The following DLGAP4 variants were observed in gnomAD, a reference collection of about 807,000 sequenced individuals.
The protein encoded by DLGAP4 is DLG associated protein 4, also known as disks large-associated protein 4.
DLGAP4 carries 18 observed loss-of-function variants against 86.9 expected under a neutral mutation model. The ratio of observed to expected loss-of-function variants is 0.21; its 90% CI spans 0.14 to 0.31. The LOEUF (loss-of-function observed/expected upper bound fraction) is 0.31. Among genes scored for constraint, DLGAP4 ranks in the 10% least tolerant of loss-of-function variants. The pLI is 1.00. For synonymous variants in DLGAP4, 548 were observed against 574.3 expected, an observed-to-expected ratio of 0.95 and a Z score of 0.65; for missense variants, 1,085 against 1,362.6, an observed-to-expected ratio of 0.80 and a Z score of 3.21.
intron 2 of DLGAP4, among the ~76,000 whole-genome samples, chr20:36,390,788 T>C (rs989647111): frequency 6.6e-6 from 1 of 152,090 alleles, no homozygotes; most frequent in African/African-American, 2.4e-5. Context: ...GACTGAGCCT[T>C]GATCCCTATC....
intron 1 of DLGAP4, among the ~76,000 whole-genome samples, chr20:36,316,881 T>G (rs2065105744): frequency 6.6e-6 from 1 of 152,196 alleles, no homozygotes; most frequent in African/African-American, 2.4e-5. Flanking sequence ...AGGGGGTAAC[T>G]GAGGCTGGGC....
intron 7 of DLGAP4, chr20:36,462,724 A>G (rs574363871): frequency 7.7e-7 from 1 of 1,293,924 alleles, no homozygotes. Flanking sequence ...GGCCTCCCAC[A>G]AAGGGGGAAA....
chr20:36,311,755 C>T (rs1221622430), intron 1 of DLGAP4, among the ~76,000 whole-genome samples: 5 of 152,124 alleles, frequency 3.3e-5, no homozygotes, highest in Non-Finnish European at 5.9e-5. Context: ...GCTGCACAGC[C>T]GGTGAAGTGG....
At chr20:36,425,983 C>T (rs1017156981) in intron 2 of DLGAP4, among the ~76,000 whole-genome samples, 9 of 152,088 alleles carry the variant, frequency 5.9e-5, no homozygotes, top group African/African-American at 2.2e-4. Context: ...TAGAAACAAC[C>T]CAGGTGTCCA....
In DLGAP4 at chr20:36,371,277, CTTCA is replaced by C. The variant is rs2030921875; in HGVS notation, c.-73+4008_-73+4011del. Among the ~76,000 whole-genome samples, 4 of 152,220 alleles carry C rather than the reference CTTCA, an allele frequency of 2.6e-5. No individual in the cohort carries two copies. In the South Asian group the frequency reaches 8.3e-4, roughly 32 times the overall value. ...AGTCTGCTATGCTGACGGAGCATCT[CTTCA>C]TTCATGCGTTCCAAGGACATCTCTT... On this transcript the variant is annotated intron_variant, in intron 2 of 12. Coordinates refer to ENST00000339266, the MANE Select transcript of DLGAP4 (RefSeq NM_001365621.2).
chr20:36,438,194 C>T (rs1170763821), intron 4 of DLGAP4, among the ~76,000 whole-genome samples: 3 of 151,916 alleles, frequency 2.0e-5, no homozygotes, highest in African/African-American at 7.3e-5. Context: ...GTCAACATGG[C>T]GAAACCGCAT....
chr20:36,507,222 T>G (rs1787458209), intron 10 of DLGAP4, among the ~76,000 whole-genome samples: 1 of 151,894 alleles, frequency 6.6e-6, no homozygotes, highest in South Asian at 2.1e-4. Context: ...GTTTTTTTTT[T>G]GTTTTGTTTT....
chr20:36,497,069 AG>A lies in DLGAP4; in HGVS notation c.2010+7del. On this transcript the variant is annotated splice_donor_region_variant and intron_variant, in intron 8 of 12. Coordinates refer to ENST00000339266, the MANE Select transcript of DLGAP4 (RefSeq NM_001365621.2). ...AACTGTCATCGATAGGAATACAAGT[AG>A]GGGCTCCTTTTGCACTCTGTGTCCT... 6.3e-7 allele frequency: 1 copy of A among 1,588,102 alleles called. No individual in the cohort carries two copies. Among genetic ancestry groups the A allele is most frequent in the Non-Finnish European group, 8.6e-7 (1 of 1,164,966 alleles).
chr20:36,394,345 G>C (rs2031877554), intron 2 of DLGAP4, among the ~76,000 whole-genome samples: 1 of 152,180 alleles, frequency 6.6e-6, no homozygotes, highest in Non-Finnish European at 1.5e-5. Context: ...ATGGGTGCTT[G>C]GGCCACTGCC....
In DLGAP4 at chr20:36,442,759, G is replaced by A. The variant is rs184562191; in HGVS notation, c.1389G>A (p.Leu463=). The A allele has an allele frequency of 5.0e-6, 8 of 1,614,110 alleles. No individual in the cohort carries two copies. Among genetic ancestry groups the A allele is most frequent in the South Asian group, 3.3e-5 (3 of 91,082 alleles). The change falls in exon 6 of 13, where the codon TTG becomes TTA. Residue 463 remains leucine (L), a synonymous_variant. Transcript: ENST00000339266. ...IFGQASLIPQ[L]FGHEQQVREA... is the part of the protein sequence containing the mutation. ...GACAGGCCTCCCTGATCCCCCAGTTGTTTGGCCATGAGCAGCAGGTCAGTA... is the reference window on the plus strand; with the variant it reads ...GACAGGCCTCCCTGATCCCCCAGTTATTTGGCCATGAGCAGCAGGTCAGTA...
chr20:36,509,859 T>C (rs561033928), intron 10 of DLGAP4, among the ~76,000 whole-genome samples: 1 of 151,704 alleles, frequency 6.6e-6, no homozygotes, highest in Non-Finnish European at 1.5e-5. Flanking sequence ...TTATTGCTTG[T>C]CTTTTTTTTT....
chr20:36,445,454 A>C (rs910638210), intron 6 of DLGAP4, among the ~76,000 whole-genome samples: 14 of 152,322 alleles, frequency 9.2e-5, no homozygotes, highest in African/African-American at 3.4e-4. Context: ...CAGTGAGCCG[A>C]GATCGCGCCA....
intron 11 of DLGAP4, among the ~76,000 whole-genome samples, chr20:36,524,893 A>T (rs1454162838): frequency 6.6e-6 from 1 of 151,206 alleles, no homozygotes; most frequent in African/African-American, 2.4e-5. Context: ...CTGGGCAATG[A>T]CAGCGAAACT....
At chr20:36,458,507 A>G (rs1164898171) in intron 7 of DLGAP4, among the ~76,000 whole-genome samples, 4 of 151,224 alleles carry the variant, frequency 2.6e-5, no homozygotes, top group Admixed American at 2.6e-4. Context: ...GATTACAGGC[A>G]TGAACCACCG....
At position 36,432,774 on chromosome 20, in the gene DLGAP4, G is replaced by A; in HGVS notation, c.999+58G>A. ...GGGCTCTGGGGACGGCACCAGTTTT[G>A]AGGCCTAGACGTACCACAGATTCAC... On this transcript the variant is annotated intron_variant, in intron 3 of 12. Transcript: ENST00000339266. This position sits in a 1 kb window ranked among gnomAD's most constrained non-coding sequence, Gnocchi z 6.5. 7 of 1,586,600 alleles carry A rather than the reference G, an allele frequency of 4.4e-6. No individual in the cohort carries two copies. The highest frequency in any genetic ancestry group is 6.0e-6 in the Non-Finnish European group (7 of 1,164,762).
chr20:36,339,019 A>G (rs2065350118), intron 1 of DLGAP4, among the ~76,000 whole-genome samples: 1 of 152,218 alleles, frequency 6.6e-6, no homozygotes, highest in Non-Finnish European at 1.5e-5. Context: ...CTCTCGGGAG[A>G]CATTGCAGAT....
intron 2 of DLGAP4, among the ~76,000 whole-genome samples, chr20:36,422,032 G>A (rs1301963251): frequency 6.6e-6 from 1 of 152,116 alleles, no homozygotes; most frequent in Non-Finnish European, 1.5e-5. Flanking sequence ...GCCGGAGCAG[G>A]TATGAGAGAT....
At chr20:36,446,666 A>AGCTC in intron 6 of DLGAP4, 31 bp from the exon 7 acceptor site, 1 of 1,572,444 alleles carries the variant, frequency 6.4e-7, no homozygotes, top group Non-Finnish European at 8.7e-7. Context: ...CAAGATAGCC[A>AGCTC]GCTCCCTCAT....
intron 2 of DLGAP4, among the ~76,000 whole-genome samples, chr20:36,373,666 C>T (rs1346457219): frequency 1.3e-5 from 2 of 152,148 alleles, no homozygotes; most frequent in Non-Finnish European, 2.9e-5. Flanking sequence ...CCAGCAACCC[C>T]CACCTCCTGT....
Sources: gnomAD v4.1 joint callset for allele counts (sites outside exome capture counted in the v4.1 genomes callset) on GRCh38, gnomAD v4.1.1 for gene constraint, Gnocchi (gnomAD v3.1) non-coding constraint, MANE v1.5 for transcripts, NCBI Gene and HGNC (gene_info 2026-07-23, HGNC 2026-07-21) for gene names.